Variants in TAFA5 observed in about 807,000 individuals in gnomAD.
TAFA5 encodes chemokine-like protein TAFA-5.
TAFA5 carries 6 observed loss-of-function variants against 15.3 expected under a neutral mutation model. That is an observed-to-expected ratio of 0.39 (90% confidence interval 0.21 to 0.77). The LOEUF (loss-of-function observed/expected upper bound fraction) is 0.77, where lower values mean the gene tolerates loss of function less well. TAFA5 is among the 30% of genes least tolerant of loss of function. The pLI is 0.41. For synonymous variants in TAFA5, 103 were observed against 80.7 expected, an observed-to-expected ratio of 1.28 and a Z score of -1.48; for missense variants, 161 against 193.1, an observed-to-expected ratio of 0.83 and a Z score of 0.98.
intron 2 of TAFA5, among the ~76,000 whole-genome samples, chr22:48,687,928 C>T (rs1183922652): frequency 4.6e-5 from 7 of 152,258 alleles, no homozygotes; most frequent in Non-Finnish European, 4.4e-5. Flanking sequence ...TTAAAAACTG[C>T]GGCTGCCTCT....
At chr22:48,649,455 C>T (rs1042085932) in intron 2 of TAFA5, among the ~76,000 whole-genome samples, 1 of 152,170 alleles carries the variant, frequency 6.6e-6, no homozygotes, top group Non-Finnish European at 1.5e-5. Flanking sequence ...TTTTGAGGAC[C>T]TGGGGCAGGG....
At chr22:48,696,239 TG>T (rs1189949374) in intron 2 of TAFA5, among the ~76,000 whole-genome samples, 1 of 152,212 alleles carries the variant, frequency 6.6e-6, no homozygotes, top group East Asian at 1.9e-4. Flanking sequence ...CTGCAGACGC[TG>T]TGGCTTTGCG....
At chr22:48,542,860 A>C (rs538671540) in intron 1 of TAFA5, among the ~76,000 whole-genome samples, 3 of 84,820 alleles carry the variant, frequency 3.5e-5, no homozygotes, top group African/African-American at 1.4e-4. Context: ...GTTTGTGTAG[A>C]GTATGTATGG....
chr22:48,522,240 T>C (rs1921626960), intron 1 of TAFA5, among the ~76,000 whole-genome samples: 1 of 152,108 alleles, frequency 6.6e-6, no homozygotes, highest in Admixed American at 6.5e-5. Flanking sequence ...ACCTGTGGTC[T>C]CGGTGGCAGA....
At chr22:48,713,109 A>G (rs529431425) in intron 3 of TAFA5, among the ~76,000 whole-genome samples, 3 of 152,366 alleles carry the variant, frequency 2.0e-5, no homozygotes, top group South Asian at 4.1e-4. Context: ...CTGTTTGCAC[A>G]TTCGCTATTG....
intron 1 of TAFA5, chr22:48,539,043 AG>A (rs1432304533): frequency 9.3e-6 from 2 of 215,466 alleles, no homozygotes; most frequent in Non-Finnish European, 1.9e-5. Flanking sequence ...GTGAGTTCAC[AG>A]GGGGTGGGAG....
chr22:48,680,460 G>A (rs2147229839), intron 2 of TAFA5, among the ~76,000 whole-genome samples: 1 of 147,914 alleles, frequency 6.8e-6, no homozygotes, highest in Non-Finnish European at 1.5e-5. Flanking sequence ...CCCCACAGCA[G>A]GAGAGAAGGG....
At chr22:48,678,679 C>T (rs1052807970) in intron 2 of TAFA5, among the ~76,000 whole-genome samples, 1 of 151,406 alleles carries the variant, frequency 6.6e-6, no homozygotes, top group Non-Finnish European at 1.5e-5. Context: ...GGAAGCCCTG[C>T]GCTCAAGGAA....
At chr22:48,544,351 G>A (rs962091799) in intron 1 of TAFA5, 10 of 316,152 alleles carry the variant, frequency 3.2e-5, no homozygotes, top group South Asian at 1.7e-4. Flanking sequence ...GCTGCACAGG[G>A]CAAGCCAATG....
intron 2 of TAFA5, among the ~76,000 whole-genome samples, chr22:48,661,714 C>T (rs1286077125): frequency 6.6e-6 from 1 of 152,210 alleles, no homozygotes; most frequent in Non-Finnish European, 1.5e-5. Flanking sequence ...CCTCCCTGCA[C>T]ATCCTTGTGA....
chr22:48,629,628 G>C (rs1034475349), intron 1 of TAFA5, among the ~76,000 whole-genome samples: 5 of 152,202 alleles, frequency 3.3e-5, no homozygotes, highest in Admixed American at 6.5e-5. Flanking sequence ...ACTAGAGATG[G>C]TTTTGCCCCT....
At chr22:48,645,006 G>C (rs1482794551) in intron 1 of TAFA5, among the ~76,000 whole-genome samples, 2 of 152,250 alleles carry the variant, frequency 1.3e-5, no homozygotes, top group Non-Finnish European at 2.9e-5. Flanking sequence ...GGGGCCCCTG[G>C]GGAGGACACC....
intron 1 of TAFA5, among the ~76,000 whole-genome samples, chr22:48,583,485 TACACCAC>T (rs1242351892): frequency 8.4e-6 from 1 of 118,540 alleles, no homozygotes; most frequent in Non-Finnish European, 1.7e-5. Context: ...ACATACAAAA[TACACCAC>T]ACACCACACA....
intron 1 of TAFA5, chr22:48,544,589 G>C (rs1395400425): frequency 7.0e-6 from 3 of 426,636 alleles, no homozygotes; most frequent in African/African-American, 6.0e-5. Flanking sequence ...CTTCCTCCCA[G>C]AGCTGCACAG....
intron 1 of TAFA5, among the ~76,000 whole-genome samples, chr22:48,617,518 G>A (rs571253440): frequency 6.6e-5 from 10 of 152,154 alleles, no homozygotes; most frequent in Admixed American, 5.9e-4. Flanking sequence ...AGGCACTCCC[G>A]TCCCTGCCTC....
chr22:48,622,660 G>A (rs549865239), intron 1 of TAFA5, among the ~76,000 whole-genome samples: 53 of 152,370 alleles, frequency 3.5e-4, no homozygotes, highest in South Asian at 4.1e-4. Flanking sequence ...GTCACCTGCC[G>A]TGGTACGACA....
chr22:48,606,487 A>G (rs1171567963), intron 1 of TAFA5, among the ~76,000 whole-genome samples: 1 of 152,282 alleles, frequency 6.6e-6, no homozygotes, highest in African/African-American at 2.4e-5. Flanking sequence ...CTATGAAGAC[A>G]TCCAGAAAGC....
rs188932098 is a variant in TAFA5, at chr22:48,623,255, T to C, written c.113-23342T>C. Among the ~76,000 whole-genome samples the C allele has an allele frequency of 9.9e-4, 146 of 147,974 alleles. 9 individuals carry two copies. In the East Asian group the frequency reaches 0.027, roughly 27 times the overall value. On this transcript the variant is annotated intron_variant, in intron 1 of 3. Transcript: ENST00000402357. ...TGGGACGGGACGTGCCGCGTGGCCC[T>C]GCGCGGTGACCTGTGGGACGGGACG...
intron 1 of TAFA5, among the ~76,000 whole-genome samples, chr22:48,516,219 C>T (rs755583927): frequency 3.3e-5 from 5 of 152,154 alleles, no homozygotes; most frequent in Non-Finnish European, 5.9e-5. Flanking sequence ...GACATTTTTA[C>T]GTTTAAGTTG....
Sources: gnomAD v4.1 joint callset for allele counts (sites outside exome capture counted in the v4.1 genomes callset) on GRCh38, gnomAD v4.1.1 for gene constraint, MANE v1.5 for transcripts, NCBI Gene and HGNC (gene_info 2026-07-23, HGNC 2026-07-21) for gene names.